Variants in APBB2 observed in about 807,000 individuals in gnomAD.
The protein encoded by APBB2 is Fe65-like 1.
A neutral mutation model predicts 82.5 loss-of-function variants in APBB2; 38 were observed. The observed-to-expected ratio is 0.46, with a 90% confidence interval of 0.36 to 0.60. The LOEUF (loss-of-function observed/expected upper bound fraction) is 0.60. Ranked by LOEUF, APBB2 falls within the 20% of genes least tolerant of loss-of-function variation. The probability of loss-of-function intolerance (pLI) is 0.00; values close to 1 mark genes in which losing one functional copy is unlikely to be tolerated. For missense variants in APBB2, 772 were observed against 972.3 expected, an observed-to-expected ratio of 0.79 and a Z score of 2.74; for synonymous variants, 341 against 368.2, an observed-to-expected ratio of 0.93 and a Z score of 0.85.
At chr4:40,894,002 A>G (rs1045945515) in intron 10 of APBB2, among the ~76,000 whole-genome samples, 1 of 149,542 alleles carries the variant, frequency 6.7e-6, no homozygotes, top group South Asian at 2.1e-4. Flanking sequence ...AGAATAGATT[A>G]TGAGGGCCGG....
At chr4:40,927,570 T>G (rs148106569) in intron 10 of APBB2, among the ~76,000 whole-genome samples, 18 of 152,172 alleles carry the variant, frequency 1.2e-4, no homozygotes, top group Non-Finnish European at 2.6e-4. Flanking sequence ...AGCCTCGACC[T>G]CCTTGGGCTC....
intron 2 of APBB2, among the ~76,000 whole-genome samples, chr4:41,141,779 G>A (rs968086770): frequency 3.3e-5 from 5 of 152,184 alleles, no homozygotes; most frequent in Admixed American, 1.3e-4. Flanking sequence ...CAGAGCTTGC[G>A]CAGAGAAACT....
intron 6 of APBB2, among the ~76,000 whole-genome samples, chr4:40,965,094 A>T (rs986429477): frequency 7.9e-5 from 12 of 151,748 alleles, no homozygotes; most frequent in Non-Finnish European, 1.5e-4. Context: ...CACTCCAGCC[A>T]GGGCGACAGA....
At chr4:40,982,281 AGAAGGAAGGAAGGAAGGAAGGAAG>A (rs1177096577) in intron 6 of APBB2, among the ~76,000 whole-genome samples, 1,928 of 17,356 alleles carry the variant, frequency 0.11, 272 homozygotes, top group Middle Eastern at 0.17. Context: ...AAAGAAAGAA[AGAAGGAAGGAAGGAAGGAAGGAAG>A]GAAAGAAAGA....
At chr4:41,130,325 T>G (rs1187337354) in intron 2 of APBB2, among the ~76,000 whole-genome samples, 1 of 152,176 alleles carries the variant, frequency 6.6e-6, no homozygotes, top group Non-Finnish European at 1.5e-5. Context: ...GTTTCCAAGG[T>G]CCATTCCACC....
At chr4:40,891,791 C>T (rs992456444) in intron 11 of APBB2, among the ~76,000 whole-genome samples, 6 of 152,172 alleles carry the variant, frequency 3.9e-5, no homozygotes, top group African/African-American at 1.4e-4. Context: ...AGCATGCTGC[C>T]TTAGACCTAT....
intron 1 of APBB2, among the ~76,000 whole-genome samples, chr4:41,161,905 G>T (rs539456133): frequency 6.6e-6 from 1 of 152,044 alleles, no homozygotes; most frequent in South Asian, 2.1e-4. Context: ...AAGAATGAAT[G>T]AACCCCCATA....
At chr4:41,128,049 C>T (rs926587640) in intron 2 of APBB2, among the ~76,000 whole-genome samples, 8 of 151,726 alleles carry the variant, frequency 5.3e-5, no homozygotes, top group Middle Eastern at 3.4e-3. Flanking sequence ...CACTGCACTC[C>T]GGCCTGGGTA....
intron 1 of APBB2, among the ~76,000 whole-genome samples, chr4:41,161,034 C>T (rs1471161014): frequency 2.6e-5 from 4 of 151,864 alleles, no homozygotes; most frequent in African/African-American, 9.7e-5. Context: ...ATCATTATAC[C>T]CACAGCATTA....
chr4:40,925,620 G>A (rs530511525), intron 10 of APBB2, among the ~76,000 whole-genome samples: 3 of 152,164 alleles, frequency 2.0e-5, no homozygotes, highest in Non-Finnish European at 4.4e-5. Context: ...CAGGATTTCT[G>A]AAAGAAACCT....
intron 12 of APBB2, among the ~76,000 whole-genome samples, chr4:40,851,067 G>A (rs1577955613): frequency 6.6e-6 from 1 of 152,140 alleles, no homozygotes; most frequent in South Asian, 2.1e-4. Context: ...TAAACACTTC[G>A]TGGAGCCCAG....
rs139312746 is a variant in APBB2 at position 40,866,922 on chromosome 4, T to C, written c.1529+23442A>G. 4.0e-3 allele frequency among the ~76,000 whole-genome samples: 610 copies of C among 152,234 alleles called. 5 individuals carry two copies. The highest frequency in any genetic ancestry group is 0.014 in the African/African-American group (575 of 41,508). The stretch of plus-strand genomic sequence containing the variant: ...TTAGTAGAATACAAAAGCACTGAAC[T>C]GTGCAGTTTCCCGTGCAGAGATGGG... On this transcript the variant is annotated intron_variant, in intron 12 of 17. Transcript: ENST00000508593.
intron 10 of APBB2, among the ~76,000 whole-genome samples, chr4:40,928,992 G>C (rs1451144340): frequency 6.7e-6 from 1 of 149,286 alleles, no homozygotes; most frequent in Non-Finnish European, 1.5e-5. Flanking sequence ...AAGGGCATTA[G>C]AAGAAAAACT....
Position 41,014,884 on chromosome 4 carries a change from G to GT in APBB2, c.20-487dup, listed in dbSNP as rs1041529841. 7.6e-4 allele frequency among the ~76,000 whole-genome samples: 116 copies of GT among 152,242 alleles called. 1 individual carries two copies. The highest frequency in any genetic ancestry group is 2.7e-3 in the African/African-American group (113 of 41,548). On this transcript the variant is annotated intron_variant, in intron 5 of 17. Transcript: ENST00000508593. ...TTCAATGATGCTCCATACATCCAAGGTAATTTTTCTCAACCACGTTTAGAA... is the reference window on the plus strand; with the variant it reads ...TTCAATGATGCTCCATACATCCAAGGTTAATTTTTCTCAACCACGTTTAGAA...
At chr4:40,987,726 T>C (rs1800770235) in intron 6 of APBB2, among the ~76,000 whole-genome samples, 1 of 152,188 alleles carries the variant, frequency 6.6e-6, no homozygotes, top group South Asian at 2.1e-4. Context: ...TGTACCATCA[T>C]GTTTGTGAGT....
At chr4:40,918,720 T>TCCTC (rs541666022) in intron 10 of APBB2, among the ~76,000 whole-genome samples, 6,390 of 143,568 alleles carry the variant, frequency 0.045, 417 homozygotes, top group African/African-American at 0.14. Flanking sequence ...CTTCCTTCCT[T>TCCTC]CCTCCCTCCC....
At chr4:41,158,897 C>T (rs527729029) in intron 1 of APBB2, among the ~76,000 whole-genome samples, 3 of 152,238 alleles carry the variant, frequency 2.0e-5, no homozygotes, top group African/African-American at 4.8e-5. Flanking sequence ...CTAGCATAGC[C>T]GAGATTCCAT....
intron 12 of APBB2, among the ~76,000 whole-genome samples, chr4:40,844,024 C>G (rs1756757781): frequency 6.6e-6 from 1 of 152,140 alleles, no homozygotes; most frequent in African/African-American, 2.4e-5. Flanking sequence ...AAGGTAGGGC[C>G]AAAGGGTTTG....
intron 6 of APBB2, among the ~76,000 whole-genome samples, chr4:41,009,246 G>GGCCGGGCGCGGTGGCTCACGCCTGT (rs1560513475): frequency 3.5e-4 from 53 of 150,754 alleles, no homozygotes; most frequent in African/African-American, 1.3e-3. Flanking sequence ...ACCCTAACTA[G>GGCCGGGCGCGGTGGCTCACGCCTGT]ATTCAAAGTT....
Sources: allele counts gnomAD v4.1 joint callset (sites outside exome capture counted in the v4.1 genomes callset), GRCh38; gene constraint gnomAD v4.1.1; transcripts MANE v1.5; gene names NCBI Gene and HGNC (gene_info 2026-07-23, HGNC 2026-07-21).